The following GPATCH8 variants were observed in gnomAD, a reference collection of about 807,000 sequenced individuals.
The protein encoded by GPATCH8 is G-patch domain containing 8.
GPATCH8 carries 18 observed loss-of-function variants against 118.3 expected under a neutral mutation model. The observed-to-expected ratio is 0.15, with a 90% CI of 0.11 to 0.23. The LOEUF is 0.23. GPATCH8 is among the 10% of genes least tolerant of loss of function. The probability of loss-of-function intolerance (pLI) is 1.00; values close to 1 mark genes in which losing one functional copy is unlikely to be tolerated. For missense variants in GPATCH8, 1,631 were observed against 1,873.8 expected, an observed-to-expected ratio of 0.87 and a Z score of 2.39; for synonymous variants, 659 against 684.7, an observed-to-expected ratio of 0.96 and a Z score of 0.59.
At chr17:44,413,191 A>G (rs1424108503) in intron 6 of GPATCH8, among the ~76,000 whole-genome samples, 2 of 152,234 alleles carry the variant, frequency 1.3e-5, no homozygotes, top group East Asian at 3.8e-4. Context: ...AAAACCAAGT[A>G]TTTGGTAAGA....
rs539185355 is a variant in GPATCH8 at position 44,481,342 on chromosome 17, A to T, written c.46-6439T>A. ...CTATCCAAATGTCAACTGAGAAATG[A>T]ACTTTAAAAACTATGGTATACCCCA... On this transcript the variant is annotated intron_variant, in intron 1 of 7. Transcript: ENST00000591680. Among the ~76,000 whole-genome samples the T allele has an allele frequency of 6.7e-4, 102 of 152,350 alleles. 1 individual carries two copies. Among genetic ancestry groups the T allele is most frequent in the African/African-American group, 2.4e-3 (98 of 41,576 alleles).
intron 7 of GPATCH8, among the ~76,000 whole-genome samples, 181 bp downstream of exon 7, chr17:44,405,740 G>A (rs2049196752): frequency 2.0e-5 from 3 of 152,044 alleles, no homozygotes; most frequent in Admixed American, 2.0e-4. Flanking sequence ...TCCTGACCTC[G>A]TGATCCGCCC....
In GPATCH8 at chr17:44,400,786, C is replaced by T; in HGVS notation, c.1291G>A (p.Ala431Thr). ...DGDNTTHPKN[A>T]PESKKGSSPK... The stretch of plus-strand genomic sequence containing the variant: ...GAACTGCCTTTTTTACTCTCTGGGG[C>T]ATTCTTTGGGTGTGTAGTATTATCA... The change falls in exon 8 of 8, where the codon GCC (alanine) becomes ACC (threonine). Residue 431 changes from alanine to threonine, a missense_variant. Ala to Thr is a moderately conservative substitution (Grantham distance 58). This residue lies in a region of GPATCH8 where 405 missense variants were observed against 462.7 expected (regional missense o/e 0.88). Coordinates refer to ENST00000591680, the MANE Select transcript of GPATCH8 (RefSeq NM_001002909.4). The T allele has an allele frequency of 1.2e-6, 2 of 1,614,082 alleles. No individual in the cohort carries two copies. Among genetic ancestry groups the T allele is most frequent in the Non-Finnish European group, 1.7e-6 (2 of 1,179,948 alleles).
chr17:44,467,209 G>A (rs2051802935), intron 2 of GPATCH8: 12 of 413,364 alleles, frequency 2.9e-5, no homozygotes, highest in South Asian at 1.8e-4. Context: ...TTCACTGCTT[G>A]CAAGTAATGT....
chr17:44,479,418 T>G (rs946970568), intron 1 of GPATCH8, among the ~76,000 whole-genome samples: 1 of 152,168 alleles, frequency 6.6e-6, no homozygotes, highest in African/African-American at 2.4e-5. Context: ...AAATCAGGAT[T>G]AATAATATAG....
At chr17:44,496,691 C>T (rs571032344) in intron 1 of GPATCH8, among the ~76,000 whole-genome samples, 3 of 152,272 alleles carry the variant, frequency 2.0e-5, no homozygotes, top group South Asian at 2.1e-4. Flanking sequence ...ATAACAGTTA[C>T]GTGCTACTCA....
At chr17:44,442,274 C>CA (rs1271864013) in intron 3 of GPATCH8, among the ~76,000 whole-genome samples, 4 of 148,292 alleles carry the variant, frequency 2.7e-5, no homozygotes, top group Non-Finnish European at 4.5e-5. Context: ...AATAAATAGG[C>CA]AAAATAGAGT....
intron 2 of GPATCH8, among the ~76,000 whole-genome samples, chr17:44,471,892 T>G (rs1967308352): frequency 1.3e-5 from 2 of 149,158 alleles, no homozygotes; most frequent in Admixed American, 1.3e-4. Flanking sequence ...AAAAAAAAGT[T>G]GAAAAAAGAG....
intron 6 of GPATCH8, among the ~76,000 whole-genome samples, chr17:44,423,639 C>T (rs2049991519): frequency 6.6e-6 from 1 of 152,078 alleles, no homozygotes; most frequent in Admixed American, 6.6e-5. Flanking sequence ...TTTAACAAGC[C>T]AGAACTGTCC....
At chr17:44,468,637 C>G (rs1011067197) in intron 2 of GPATCH8, among the ~76,000 whole-genome samples, 1 of 151,738 alleles carries the variant, frequency 6.6e-6, no homozygotes, top group Admixed American at 6.6e-5. Context: ...ATAATAATGA[C>G]TAAAAATCTT....
At chr17:44,424,557 T>C (rs970973758) in intron 5 of GPATCH8, 65 bp from the exon 6 acceptor site, 44 of 1,183,468 alleles carry the variant, frequency 3.7e-5, no homozygotes, top group East Asian at 7.0e-5. Flanking sequence ...GTGAATGTTA[T>C]AGAGAAAACA....
chr17:44,433,061 T>C (rs986501569), intron 5 of GPATCH8, among the ~76,000 whole-genome samples: 2 of 152,034 alleles, frequency 1.3e-5, no homozygotes, highest in African/African-American at 2.4e-5. Flanking sequence ...TTGCCCAGAC[T>C]GCTCTCAAAC....
intron 6 of GPATCH8, among the ~76,000 whole-genome samples, chr17:44,412,679 C>A (rs2143775796): frequency 6.6e-6 from 1 of 152,310 alleles, no homozygotes; most frequent in South Asian, 2.1e-4. Flanking sequence ...CCACCACACC[C>A]AGCTGAACCT....
intron 1 of GPATCH8, among the ~76,000 whole-genome samples, chr17:44,488,296 A>G (rs1460549286): frequency 4.9e-5 from 7 of 144,034 alleles, no homozygotes; most frequent in Non-Finnish European, 1.0e-4. Flanking sequence ...GCGCAATCTC[A>G]GCTCACTGCA....
rs141371643 is a variant in GPATCH8, at chr17:44,444,953, T to G, written c.194-8408A>C. Among the ~76,000 whole-genome samples the G allele has an allele frequency of 2.7e-3, 405 of 152,322 alleles. 1 individual carries two copies. The highest frequency in any genetic ancestry group is 9.4e-3 in the African/African-American group (390 of 41,578). On this transcript the variant is annotated intron_variant, in intron 3 of 7. Coordinates refer to ENST00000591680, the MANE Select transcript of GPATCH8 (RefSeq NM_001002909.4). Reference sequence around the variant, plus strand: ...TTCAACTGTAAATACTTAGTCATCATGATGCGCGCCGCTTAACATCACAAG... The same window carrying G: ...TTCAACTGTAAATACTTAGTCATCAGGATGCGCGCCGCTTAACATCACAAG...
intron 6 of GPATCH8, chr17:44,407,367 G>C (rs1373217929): frequency 6.6e-6 from 1 of 152,062 alleles, no homozygotes; most frequent in African/African-American, 2.4e-5. Context: ...CTCTCTTAGT[G>C]AATCTGTAAA....
intron 6 of GPATCH8, among the ~76,000 whole-genome samples, chr17:44,406,487 C>G (rs1214985669): frequency 3.8e-5 from 1 of 26,628 alleles, no homozygotes; most frequent in African/African-American, 1.5e-4. Context: ...AAGCAATGTA[C>G]AGCTTACATG....
Position 44,396,098 on chromosome 17 carries a change from A to G in GPATCH8, c.*1470T>C, listed in dbSNP as rs1480543645. The G allele has an allele frequency of 4.4e-6, 2 of 454,604 alleles. No homozygotes were observed. The highest frequency in any genetic ancestry group is 8.8e-6 in the Non-Finnish European group (2 of 226,788). The allele number at this position is 454,604 out of a possible 1,614,324, so 28.2% of individuals were successfully genotyped here. A position where few individuals can be genotyped will look rare whatever the true frequency, so the allele number is the denominator to read the frequency against. ...AACAAAAGGAAGACTGTCCCAACTC[A>G]TCCTCCAGCCTACTTCTACTTCCGT... On this transcript the variant is annotated 3_prime_UTR_variant, in exon 8 of 8. Coordinates refer to ENST00000591680, the MANE Select transcript of GPATCH8 (RefSeq NM_001002909.4).
chr17:44,429,686 A>AAC (rs2050228347), intron 5 of GPATCH8, among the ~76,000 whole-genome samples: 1 of 147,158 alleles, frequency 6.8e-6, no homozygotes, highest in African/African-American at 2.6e-5. Flanking sequence ...ACACACACAC[A>AAC]AAACAACAAA....
Sources: allele counts gnomAD v4.1 joint callset (sites outside exome capture counted in the v4.1 genomes callset), GRCh38; gene constraint gnomAD v4.1.1; regional missense constraint gnomAD v4.1.1; transcripts MANE v1.5; gene names NCBI Gene and HGNC (gene_info 2026-07-23, HGNC 2026-07-21).